The following TXNRD1 variants were observed in gnomAD, a reference collection of about 807,000 sequenced individuals.
TXNRD1 encodes the protein thioredoxin reductase 1, cytoplasmic.
TXNRD1 carries 57 observed loss-of-function variants against 80.3 expected under a neutral mutation model. The observed-to-expected ratio is 0.71, with a 90% CI of 0.57 to 0.89. The LOEUF (loss-of-function observed/expected upper bound fraction) is 0.89, where lower values mean the gene tolerates loss of function less well. Among genes scored for constraint, TXNRD1 ranks in the 40% least tolerant of loss-of-function variants. TXNRD1 has a pLI of 0.00. For synonymous variants in TXNRD1, 291 were observed against 285.2 expected (o/e 1.02, Z -0.20); for missense variants, 730 against 803.0 (o/e 0.91, Z 1.10).
chr12:104,265,302 G>A (rs2033454502), intron 3 of TXNRD1: 3 of 1,600,152 alleles, frequency 1.9e-6, no homozygotes, highest in Middle Eastern at 2.2e-4. Flanking sequence ...AACGCGGAGA[G>A]CACGCCATGA....
chr12:104,326,332 TTAA>T lies in TXNRD1; in HGVS notation c.1309-10_1309-8del. On this transcript the variant is annotated splice_polypyrimidine_tract_variant and intron_variant, in intron 11 of 16. Coordinates refer to ENST00000525566, the MANE Select transcript of TXNRD1 (RefSeq NM_001093771.3). ...CTTTTTGTTATTAGTCACTAATATA[TTAA>T]TAATTTTTCAGGTGATGCTGGCAAT... The T allele has an allele frequency of 6.4e-7, 1 of 1,551,634 alleles. No individual in the cohort carries two copies. Among genetic ancestry groups the T allele is most frequent in the Non-Finnish European group, 8.7e-7 (1 of 1,148,974 alleles).
intron 4 of TXNRD1, chr12:104,304,098 G>A: frequency 1.2e-6 from 2 of 1,613,998 alleles, no homozygotes; most frequent in Non-Finnish European, 1.7e-6. Context: ...CGGCAGAACC[G>A]GGAGGACATC....
intron 2 of TXNRD1, among the ~76,000 whole-genome samples, chr12:104,254,325 C>G (rs2033191516): frequency 6.6e-6 from 1 of 151,818 alleles, no homozygotes; most frequent in African/African-American, 2.4e-5. Flanking sequence ...GACTTAAAAC[C>G]TTGGGTGGTT....
At chr12:104,287,409 T>G in intron 3 of TXNRD1, 2 of 1,613,962 alleles carry the variant, frequency 1.2e-6, no homozygotes, top group East Asian at 2.2e-5. Flanking sequence ...TAGAGACAGT[T>G]TGCAGAACAG....
intron 4 of TXNRD1, chr12:104,304,123 C>T: frequency 6.2e-7 from 1 of 1,614,062 alleles, no homozygotes; most frequent in Non-Finnish European, 8.5e-7. Flanking sequence ...GCTCGGCGAA[C>T]AACTCCTTAA....
chr12:104,224,073 A>G (rs1191795668), intron 1 of TXNRD1, among the ~76,000 whole-genome samples: 1 of 152,166 alleles, frequency 6.6e-6, no homozygotes, highest in Non-Finnish European at 1.5e-5. Flanking sequence ...AGGACGTGTG[A>G]CAAGTTTAGG....
At chr12:104,306,058 C>T (rs2034903140) in intron 4 of TXNRD1, among the ~76,000 whole-genome samples, 1 of 152,166 alleles carries the variant, frequency 6.6e-6, no homozygotes. Flanking sequence ...TGTGTGCCAT[C>T]ACACCCAGCA....
intron 4 of TXNRD1, among the ~76,000 whole-genome samples, chr12:104,294,231 A>AG (rs201995493): frequency 0.77 from 61,004 of 79,550 alleles, 24,068 homozygotes; most frequent in East Asian, 0.86. Flanking sequence ...CCCCGGGGAA[A>AG]GGCCCCCCCC....
At chr12:104,233,845 G>C (rs181523974) in intron 1 of TXNRD1, among the ~76,000 whole-genome samples, 2 of 152,104 alleles carry the variant, frequency 1.3e-5, no homozygotes, top group Admixed American at 1.3e-4. Flanking sequence ...ATTTAGGGCC[G>C]TAAATATATC....
At chr12:104,288,385 T>A (rs938805493) in intron 3 of TXNRD1, among the ~76,000 whole-genome samples, 15 of 152,224 alleles carry the variant, frequency 9.9e-5, no homozygotes, top group African/African-American at 3.6e-4. Flanking sequence ...CCTAGTTTCA[T>A]CTGTAGCGTT....
rs1029427988 is a variant in TXNRD1 at position 104,264,442 on chromosome 12, G to A, written c.304+6363G>A. Among the ~76,000 whole-genome samples the A allele has an allele frequency of 9.8e-5, 15 of 152,300 alleles. 1 individual carries two copies. The East Asian group carries it at 2.9e-3, about 29-fold the overall frequency. ...TCTCCCATAGCGAATGAGGAGACAT[G>A]GGAGGTTGTTCTATTTATTTTATGA... On this transcript the variant is annotated intron_variant, in intron 3 of 16. Coordinates refer to ENST00000525566, the MANE Select transcript of TXNRD1 (RefSeq NM_001093771.3).
intron 13 of TXNRD1, among the ~76,000 whole-genome samples, chr12:104,330,367 A>G (rs1050299306): frequency 6.6e-6 from 1 of 152,222 alleles, no homozygotes; most frequent in Non-Finnish European, 1.5e-5. Context: ...GAAATCTGAT[A>G]GAGGAACTCA....
chr12:104,272,139 AGCAAG>A (rs909799349), intron 3 of TXNRD1, among the ~76,000 whole-genome samples: 3 of 152,204 alleles, frequency 2.0e-5, no homozygotes, highest in African/African-American at 7.2e-5. Flanking sequence ...TTGAATTCTC[AGCAAG>A]GCAAGTTACT....
At chr12:104,317,838 T>C (rs1336453319) in intron 7 of TXNRD1, among the ~76,000 whole-genome samples, 1 of 152,186 alleles carries the variant, frequency 6.6e-6, no homozygotes, top group Non-Finnish European at 1.5e-5. Flanking sequence ...AGACCCTGTC[T>C]CTAAAGAAGA....
chr12:104,221,529 GT>G (rs892070366), intron 1 of TXNRD1, among the ~76,000 whole-genome samples: 21 of 152,196 alleles, frequency 1.4e-4, no homozygotes, highest in Middle Eastern at 6.8e-3. Flanking sequence ...TGTTGGTCAG[GT>G]TGGTCTCCAA....
rs1168492778 is a variant in TXNRD1, at chr12:104,288,952, G to A, written c.326G>A (p.Gly109Glu). 9 of 1,613,936 alleles carry A rather than the reference G, an allele frequency of 5.6e-6. No homozygotes were observed. The highest frequency in any genetic ancestry group is 7.6e-6 in the Non-Finnish European group (9 of 1,179,902). ...ACAGAGGACGGTCGGGCCCTGGAAG[G>A]AACGCTCTCGGAATTGGCCGCGGAA... ...DQTEDGRALE[G>E]TLSELAAETD... The change falls in exon 4 of 17, where the codon GGA becomes GAA. Residue 109 changes from glycine to glutamate, a missense_variant. By Grantham distance (98) the Gly-to-Glu change is moderately conservative (BLOSUM62 -2). Transcript: ENST00000525566.
chr12:104,318,910 C>G lies in TXNRD1; in HGVS notation c.731-3C>G, dbSNP rs747530089. Reference sequence around the variant, plus strand: ...CAAGATTTTGTTTTATTTTCTTATACAGTTAAGCATGATTGGGACAGAATG... The same window carrying G: ...CAAGATTTTGTTTTATTTTCTTATAGAGTTAAGCATGATTGGGACAGAATG... On this transcript the variant is annotated splice_polypyrimidine_tract_variant and splice_region_variant and intron_variant, in intron 7 of 16. Transcript: ENST00000525566. 6 of 1,600,736 alleles carry G rather than the reference C, an allele frequency of 3.7e-6. No homozygotes were observed. Among genetic ancestry groups the G allele is most frequent in the Non-Finnish European group, 5.1e-6 (6 of 1,176,292 alleles).
chr12:104,340,107 T>G (rs1275828576), intron 16 of TXNRD1, among the ~76,000 whole-genome samples: 1 of 152,252 alleles, frequency 6.6e-6, no homozygotes. Flanking sequence ...TTTCTTTTGC[T>G]TTGTCTTCTC....
chr12:104,303,570 G>A (rs2034730354), intron 4 of TXNRD1, among the ~76,000 whole-genome samples: 1 of 152,238 alleles, frequency 6.6e-6, no homozygotes, highest in Non-Finnish European at 1.5e-5. Flanking sequence ...TGTCCCCTGA[G>A]CGGGCATTAG....
Sources: gnomAD v4.1 joint callset for allele counts (sites outside exome capture counted in the v4.1 genomes callset) on GRCh38, gnomAD v4.1.1 for gene constraint, MANE v1.5 for transcripts, NCBI Gene and HGNC (gene_info 2026-07-23, HGNC 2026-07-21) for gene names.